Variants in ENTREP2 observed in about 807,000 individuals in gnomAD.
ENTREP2 encodes protein ENTREP2.
At chr15:29,176,813 C>G in the ENTREP2 span, among the ~76,000 whole-genome samples, 3 of 152,248 alleles carry the variant, frequency 2.0e-5, no homozygotes, top group Non-Finnish European at 4.4e-5. Flanking sequence ...TCTCCTCCTA[C>G]TCTGATGTGC....
At chr15:29,214,939 T>C in the ENTREP2 span, among the ~76,000 whole-genome samples, 23 of 152,338 alleles carry the variant, frequency 1.5e-4, no homozygotes, top group African/African-American at 5.5e-4. Context: ...GTTCTGCATA[T>C]ATTTGTTAAG....
the ENTREP2 span, among the ~76,000 whole-genome samples, chr15:29,135,374 G>A: frequency 6.6e-6 from 1 of 152,106 alleles, no homozygotes; most frequent in Non-Finnish European, 1.5e-5. This position sits in a 1 kb window ranked among gnomAD's most constrained non-coding sequence, Gnocchi z 7.4. Flanking sequence ...GGACACCAGT[G>A]AGCTGTCGAT....
the ENTREP2 span, among the ~76,000 whole-genome samples, chr15:29,673,812 T>C: frequency 6.6e-6 from 1 of 152,174 alleles, no homozygotes; most frequent in Non-Finnish European, 1.5e-5. Context: ...CAAGGACAGC[T>C]TGGGGGTTGG....
chr15:29,244,292 T>C, the ENTREP2 span, among the ~76,000 whole-genome samples: 1 of 152,162 alleles, frequency 6.6e-6, no homozygotes, highest in Non-Finnish European at 1.5e-5. Flanking sequence ...ATACCTCCCA[T>C]TAATAAAGGC....
At chr15:29,384,594 T>A in the ENTREP2 span, among the ~76,000 whole-genome samples, 1 of 152,210 alleles carries the variant, frequency 6.6e-6, no homozygotes, top group South Asian at 2.1e-4. Flanking sequence ...CCCACTCCTG[T>A]CCAGGCCACT....
At chr15:29,300,155 GA>G in the ENTREP2 span, among the ~76,000 whole-genome samples, 1 of 59,648 alleles carries the variant, frequency 1.7e-5, no homozygotes, top group African/African-American at 1.2e-4. Flanking sequence ...ATGGATAATG[GA>G]TGGATGGATG....
At chr15:29,213,398 C>T in the ENTREP2 span, among the ~76,000 whole-genome samples, 4 of 152,218 alleles carry the variant, frequency 2.6e-5, no homozygotes, top group Admixed American at 6.5e-5. Context: ...GCCATTTTCA[C>T]GATATTGATT....
the ENTREP2 span, among the ~76,000 whole-genome samples, chr15:29,668,860 C>G: frequency 6.6e-6 from 1 of 152,198 alleles, no homozygotes; most frequent in South Asian, 2.1e-4. Flanking sequence ...TAAAGTCGGT[C>G]AACACACCTG....
the ENTREP2 span, among the ~76,000 whole-genome samples, chr15:29,642,859 G>A: frequency 2.0e-5 from 3 of 152,024 alleles, no homozygotes; most frequent in Non-Finnish European, 2.9e-5. Context: ...TGATCCACCC[G>A]CCTTGGCCTC....
At chr15:29,365,941 A>C in the ENTREP2 span, among the ~76,000 whole-genome samples, 1 of 152,162 alleles carries the variant, frequency 6.6e-6, no homozygotes, top group East Asian at 1.9e-4. Flanking sequence ...ATTCACGCTG[A>C]AACACGTGTC....
At chr15:29,268,265 C>T in the ENTREP2 span, 1 of 152,270 alleles carries the variant, frequency 6.6e-6, no homozygotes, top group African/African-American at 2.4e-5. Context: ...TAAACAATTA[C>T]TATTGGGAGA....
At chr15:29,529,475 G>A in the ENTREP2 span, among the ~76,000 whole-genome samples, 1 of 151,918 alleles carries the variant, frequency 6.6e-6, no homozygotes, top group African/African-American at 2.4e-5. Flanking sequence ...TGGCTCTGAG[G>A]TGTTTAGGGC....
the ENTREP2 span, among the ~76,000 whole-genome samples, chr15:29,251,593 C>T: frequency 6.0e-4 from 92 of 152,080 alleles, no homozygotes; most frequent in Middle Eastern, 0.014. Context: ...TTATATGTGG[C>T]CCAAGACAAT....
chr15:29,657,225 T>TTC, the ENTREP2 span, among the ~76,000 whole-genome samples: 48 of 151,796 alleles, frequency 3.2e-4, no homozygotes, highest in African/African-American at 1.1e-3. Flanking sequence ...CTTTTTTTTT[T>TTC]TCTTTTTGCA....
At chr15:29,420,805 A>G in the ENTREP2 span, among the ~76,000 whole-genome samples, 1 of 152,184 alleles carries the variant, frequency 6.6e-6, no homozygotes, top group Admixed American at 6.5e-5. Context: ...CTGTTCCCCT[A>G]AAAACATCAA....
the ENTREP2 span, among the ~76,000 whole-genome samples, chr15:29,318,584 T>C: frequency 6.6e-6 from 1 of 152,158 alleles, no homozygotes; most frequent in Non-Finnish European, 1.5e-5. Context: ...CCTCCCAAAG[T>C]GCTGAGATTA....
chr15:29,140,427 T>G, the ENTREP2 span, among the ~76,000 whole-genome samples: 1 of 152,178 alleles, frequency 6.6e-6, no homozygotes, highest in Non-Finnish European at 1.5e-5. Flanking sequence ...TTGGTCGCCA[T>G]CCTGCTACCA....
chr15:29,597,719 T>C, the ENTREP2 span, among the ~76,000 whole-genome samples: 2 of 151,322 alleles, frequency 1.3e-5, no homozygotes, highest in East Asian at 2.0e-4. Context: ...TTTGGACCAT[T>C]ATGAATAGAG....
At chr15:29,368,940 A>G in the ENTREP2 span, among the ~76,000 whole-genome samples, 1 of 151,978 alleles carries the variant, frequency 6.6e-6, no homozygotes, top group African/African-American at 2.4e-5. Context: ...CAAATAAAAA[A>G]CTCTCTATAG....
Sources: gnomAD v4.1 joint callset for allele counts (sites outside exome capture counted in the v4.1 genomes callset) on GRCh38, gnomAD v4.1.1 for gene constraint, Gnocchi (gnomAD v3.1) non-coding constraint, MANE v1.5 for transcripts, NCBI Gene and HGNC (gene_info 2026-07-23, HGNC 2026-07-21) for gene names.